Variants in DOCK2 observed in about 807,000 individuals in gnomAD.
The protein encoded by DOCK2 is dedicator of cytokinesis 2.
A neutral mutation model predicts 248.9 loss-of-function variants in DOCK2; 87 were observed. The observed-to-expected ratio is 0.35, with a 90% CI of 0.29 to 0.42. The LOEUF is 0.42. Among genes scored for constraint, DOCK2 ranks in the 10% least tolerant of loss-of-function variants. The pLI, the probability that DOCK2 is intolerant of heterozygous loss-of-function variation, is 1.00. For missense variants in DOCK2, 1,747 were observed against 2,300.2 expected, an observed-to-expected ratio of 0.76 and a Z score of 4.92; for synonymous variants, 805 against 821.6, an observed-to-expected ratio of 0.98 and a Z score of 0.35.
At chr5:169,740,884 G>C (rs1203165395) in intron 22 of DOCK2, among the ~76,000 whole-genome samples, 1 of 152,156 alleles carries the variant, frequency 6.6e-6, no homozygotes. Flanking sequence ...CACCTAGGCT[G>C]GAGTGCAGTG....
intron 25 of DOCK2, among the ~76,000 whole-genome samples, chr5:169,785,725 A>T (rs1234291098): frequency 6.6e-6 from 1 of 152,172 alleles, no homozygotes. Flanking sequence ...AAGACCCATT[A>T]TGGTTTGGCT....
In DOCK2 at chr5:169,996,102, A is replaced by G; in HGVS notation, c.3010A>G (p.Ile1004Val). 4.3e-6 allele frequency: 7 copies of G among 1,614,036 alleles called. No homozygotes were observed. The highest frequency in any genetic ancestry group is 5.9e-6 in the Non-Finnish European group (7 of 1,179,916). The change falls in exon 30 of 52, where the codon ATC (isoleucine) becomes GTC (valine). Residue 1004 changes from isoleucine to valine, a missense_variant. Around this residue, in one of 4 missense-constraint regions of DOCK2, gnomAD observed 858 missense variants for 1,183.5 expected, o/e 0.72. Transcript: ENST00000520908. ...CTCTTCCAGGGTCTTCCTGAGAGCT[A>G]TCAACAAGTTTGCAGAAACCATGAA... is the stretch of plus-strand genomic sequence containing the variant. ...MVQNRVFLRA[I>V]NKFAETMNQK... is the part of the protein sequence containing the mutation.
intron 26 of DOCK2, among the ~76,000 whole-genome samples, chr5:169,814,739 A>T (rs895361305): frequency 1.8e-4 from 27 of 151,926 alleles, no homozygotes; most frequent in African/African-American, 5.8e-4. Context: ...TTACTCACTT[A>T]TGAAGAATGA....
intron 26 of DOCK2, among the ~76,000 whole-genome samples, chr5:169,839,157 G>A (rs1278361920): frequency 6.6e-6 from 1 of 152,154 alleles, no homozygotes; most frequent in Non-Finnish European, 1.5e-5. Flanking sequence ...GAGACACAAG[G>A]CTGTTCCCAA....
intron 23 of DOCK2, among the ~76,000 whole-genome samples, chr5:169,755,975 A>G (rs567907728): frequency 6.6e-6 from 1 of 152,304 alleles, no homozygotes; most frequent in East Asian, 1.9e-4. Context: ...CCGTGACAAC[A>G]GTCTTGGCAA....
chr5:170,071,887 T>G (rs554880632), intron 46 of DOCK2, among the ~76,000 whole-genome samples: 2 of 152,250 alleles, frequency 1.3e-5, no homozygotes, highest in African/African-American at 4.8e-5. Flanking sequence ...ATCTAACTTA[T>G]TTTGCCCAAT....
chr5:170,009,215 G>A (rs1047497255), intron 32 of DOCK2, among the ~76,000 whole-genome samples: 7 of 152,050 alleles, frequency 4.6e-5, no homozygotes, highest in Non-Finnish European at 8.8e-5. Context: ...TCTGCCTCAG[G>A]GAGCTTCAGG....
intron 27 of DOCK2, among the ~76,000 whole-genome samples, chr5:169,854,952 G>A (rs1362618630): frequency 9.2e-5 from 14 of 152,314 alleles, no homozygotes; most frequent in Non-Finnish European, 2.9e-5. Flanking sequence ...AACGGGGGAT[G>A]ACCAGAAAAA....
chr5:169,642,875 TTGC>T (rs1757224491), intron 1 of DOCK2, among the ~76,000 whole-genome samples: 1 of 152,248 alleles, frequency 6.6e-6, no homozygotes, highest in South Asian at 2.1e-4. Context: ...CAGCATCCTA[TTGC>T]TGCTGTCTTT....
chr5:169,829,995 C>T (rs1769119129), intron 26 of DOCK2, among the ~76,000 whole-genome samples: 1 of 152,134 alleles, frequency 6.6e-6, no homozygotes. Flanking sequence ...GTGGATAAGC[C>T]ATCATTTATA....
rs75416239 is a variant in DOCK2 at position 169,717,458 on chromosome 5, G to A, written c.2106G>A (p.Gln702=). 1.5e-4 allele frequency: 237 copies of A among 1,613,822 alleles called. No individual in the cohort carries two copies. The East Asian group carries it at 4.6e-3, about 31-fold the overall frequency. Residue 702 remains glutamine, a synonymous_variant, in exon 21 of 52, where the codon CAG becomes CAA. Coordinates refer to ENST00000520908, the MANE Select transcript of DOCK2 (RefSeq NM_004946.3). ...FNTVLEAYIQ[Q]HFSATLAYKK... ...CCGTTCTGGAGGCTTACATCCAACA[G>A]CATTTCAGTGCGACCTTGGCTTACA... is the stretch of plus-strand genomic sequence containing the variant.
intron 29 of DOCK2, 120 bp downstream of exon 29, chr5:169,986,042 A>G (rs1778060662): frequency 2.2e-6 from 2 of 923,698 alleles, no homozygotes; most frequent in Non-Finnish European, 3.1e-6. Flanking sequence ...GTGTTAAGGC[A>G]TGCTTTCTTT....
At chr5:169,944,006 A>G (rs546824077) in intron 27 of DOCK2, among the ~76,000 whole-genome samples, 1 of 152,202 alleles carries the variant, frequency 6.6e-6, no homozygotes, top group East Asian at 1.9e-4. Context: ...GTGTGACTCT[A>G]TAATTCTCCA....
intron 1 of DOCK2, among the ~76,000 whole-genome samples, chr5:169,649,943 A>G (rs1185763020): frequency 2.0e-5 from 3 of 152,086 alleles, no homozygotes; most frequent in Non-Finnish European, 1.5e-5. Flanking sequence ...AGCTGGGACT[A>G]CAGGTGTACC....
intron 46 of DOCK2, among the ~76,000 whole-genome samples, chr5:170,070,715 A>G (rs977389410): frequency 1.3e-5 from 2 of 152,032 alleles, no homozygotes; most frequent in African/African-American, 2.4e-5. Flanking sequence ...GTTGGATGTC[A>G]CTCTGAATCT....
intron 27 of DOCK2, among the ~76,000 whole-genome samples, chr5:169,971,861 T>C (rs1356520467): frequency 2.0e-5 from 3 of 152,202 alleles, no homozygotes; most frequent in African/African-American, 7.2e-5. Flanking sequence ...GAACTTCTGC[T>C]GTACCCAGGC....
At position 170,037,431 on chromosome 5, in the gene DOCK2, A is replaced by G. The variant is rs1214451495; in HGVS notation, c.3665+876A>G. 2.0e-5 allele frequency among the ~76,000 whole-genome samples: 3 copies of G among 151,830 alleles called. 1 individual carries two copies. Among genetic ancestry groups the G allele is most frequent in the Non-Finnish European group, 4.4e-5 (3 of 67,962 alleles). ...TATATAGCCAATCCTATATTGTTGA[A>G]CATTTAGATTGTTTCCAACTTTTTC... On this transcript the variant is annotated intron_variant, in intron 36 of 51. Coordinates refer to ENST00000520908, the MANE Select transcript of DOCK2 (RefSeq NM_004946.3).
At chr5:169,754,817 G>C (rs1764103617) in intron 23 of DOCK2, among the ~76,000 whole-genome samples, 1 of 152,094 alleles carries the variant, frequency 6.6e-6, no homozygotes, top group Non-Finnish European at 1.5e-5. Flanking sequence ...GGTAAAATGG[G>C]ATTAACATTT....
intron 25 of DOCK2, among the ~76,000 whole-genome samples, chr5:169,797,919 A>C (rs979102050): frequency 2.0e-5 from 3 of 152,246 alleles, no homozygotes; most frequent in Non-Finnish European, 4.4e-5. Context: ...ATCTACAAAC[A>C]GGAGCCAGAC....
Sources: allele counts gnomAD v4.1 joint callset (sites outside exome capture counted in the v4.1 genomes callset), GRCh38; gene constraint gnomAD v4.1.1; regional missense constraint gnomAD v4.1.1; transcripts MANE v1.5; gene names NCBI Gene and HGNC (gene_info 2026-07-23, HGNC 2026-07-21).